PNPLA7: variants seen among roughly 807,000 people sequenced by gnomAD.
PNPLA7 encodes patatin like domain 7, lysophospholipase.
A neutral mutation model predicts 161.7 loss-of-function variants in PNPLA7; 153 were observed. That is an observed-to-expected ratio of 0.95 (90% CI 0.83 to 1.08). The LOEUF (loss-of-function observed/expected upper bound fraction) is 1.08, where lower values mean the gene tolerates loss of function less well. Ranked by LOEUF, PNPLA7 falls within the 50% of genes least tolerant of loss-of-function variation. The pLI is 0.00. For synonymous variants in PNPLA7, 809 were observed against 782.1 expected (o/e 1.03, Z -0.57); for missense variants, 1,739 against 1,856.6 (o/e 0.94, Z 1.16).
chr9:137,460,623 C>A lies in PNPLA7; in HGVS notation c.3945+11G>T, dbSNP rs1234604062. On this transcript the variant is annotated intron_variant, in intron 34 of 34. Coordinates refer to ENST00000406427, the MANE Select transcript of PNPLA7 (RefSeq NM_001098537.3). Reference sequence around the variant, plus strand: ...TGTGGGCACCAGGTGGGACCATGCCCAGCTCCTCACCAAGTCTGAGCCCTG... The same window carrying A: ...TGTGGGCACCAGGTGGGACCATGCCAAGCTCCTCACCAAGTCTGAGCCCTG... 1 of 1,610,206 alleles carries A rather than the reference C, an allele frequency of 6.2e-7. No homozygotes were observed. The highest frequency in any genetic ancestry group is 1.1e-5 in the South Asian group (1 of 90,800).
chr9:137,524,272 T>C lies in PNPLA7; in HGVS notation c.748-1415A>G, dbSNP rs1328045178. Among the ~76,000 whole-genome samples the C allele has an allele frequency of 6.6e-6, 1 of 152,174 alleles. No homozygotes were observed. Among genetic ancestry groups the C allele is most frequent in the African/African-American group, 2.4e-5 (1 of 41,442 alleles). ...CACGGTGGCATGTCTGACAGAGGTC[T>C]CTGCCTTGACTCCCAAGTGCTGGCT... On this transcript the variant is annotated intron_variant, in intron 8 of 34. Transcript: ENST00000406427. The surrounding 1 kb of genome is among the most constrained non-coding windows in gnomAD (Gnocchi z 4.4).
rs766663854 is a variant in PNPLA7 at position 137,520,018 on chromosome 9, G to T, written c.983C>A (p.Ser328Tyr). ...CTTCCCGGCAGCCACACTGGCTACAGACACGAGAGGGATGGCCTGGCTCTC... is the reference window on the plus strand; with the variant it reads ...CTTCCCGGCAGCCACACTGGCTACATACACGAGAGGGATGGCCTGGCTCTC... ...NAESQAIPLV[S>Y]VASVAAGKAK... is the part of the protein sequence containing the mutation. Residue 328 changes from serine (S) to tyrosine (Y), a missense_variant, in exon 11 of 35, where the codon TCT (serine) becomes TAT (tyrosine). By Grantham distance (144) the Ser-to-Tyr change is moderately radical (BLOSUM62 -2). Around this residue, in one of 6 missense-constraint regions of PNPLA7, gnomAD observed 152 missense variants for 193.5 expected, o/e 0.79. Transcript: ENST00000406427. This position sits in a 1 kb window ranked among gnomAD's most constrained non-coding sequence, Gnocchi z 5.2. 22 of 1,612,542 alleles carry T rather than the reference G, an allele frequency of 1.4e-5. No homozygotes were observed. Among genetic ancestry groups the T allele is most frequent in the Middle Eastern group, 3.3e-4 (2 of 6,082 alleles).
At position 137,515,479 on chromosome 9, in the gene PNPLA7, C is replaced by T. The variant is rs774145872; in HGVS notation, c.1125G>A (p.Leu375=). 7.0e-6 allele frequency: 11 copies of T among 1,579,066 alleles called. No individual in the cohort carries two copies. The highest frequency in any genetic ancestry group is 2.7e-5 in the African/African-American group (2 of 74,072). ...GGRPAAAGPL[L]KRSHSVPAPS... is the part of the protein sequence containing the mutation. Reference sequence around the variant, plus strand: ...GCGCGGGGACGGAGTGGCTCCTCTTCAGCAGGGGCCCAGCAGCTGCCGGGC... The same window carrying T: ...GCGCGGGGACGGAGTGGCTCCTCTTTAGCAGGGGCCCAGCAGCTGCCGGGC... Residue 375 remains leucine, a synonymous_variant, in exon 12 of 35, where the codon CTG becomes CTA. Transcript: ENST00000406427.
chr9:137,491,564 G>C (rs1193635492), intron 20 of PNPLA7: 1 of 985,290 alleles, frequency 1.0e-6, no homozygotes, highest in African/African-American at 1.7e-5. Context: ...GGAGAGTGAA[G>C]AGTTACATTA....
intron 21 of PNPLA7, among the ~76,000 whole-genome samples, chr9:137,481,370 G>T (rs1832211290): frequency 1.3e-5 from 2 of 152,372 alleles, no homozygotes; most frequent in South Asian, 2.1e-4. Flanking sequence ...GGCAGGGAAG[G>T]CTGTGCGATG....
chr9:137,515,903 C>G (rs1182302741), intron 11 of PNPLA7, among the ~76,000 whole-genome samples: 1 of 19,174 alleles, frequency 5.2e-5, no homozygotes, highest in Non-Finnish European at 1.0e-4. Context: ...CCCCCCAAAT[C>G]CCCCCTCCCC....
At chr9:137,475,849 C>A (rs1407436476) in intron 25 of PNPLA7, among the ~76,000 whole-genome samples, 2 of 152,160 alleles carry the variant, frequency 1.3e-5, no homozygotes, top group Non-Finnish European at 2.9e-5. Flanking sequence ...GAATTCTATA[C>A]CCAGCCAAAC....
rs760872752 is a variant in PNPLA7 at position 137,497,193 on chromosome 9, G to A, written c.2007C>T (p.Val669=). 12 of 1,579,370 alleles carry A rather than the reference G, an allele frequency of 7.6e-6. No individual in the cohort carries two copies. The highest frequency in any genetic ancestry group is 2.4e-5 in the East Asian group (1 of 42,370). ...AGCAGGGCCCAGCACCTACCACGCC[G>A]ACGAGGTCTCCTCGGCCGTACTCCC... ...LAGEYGRGDL[V]GVVETLTHQA... The change falls in exon 18 of 35, where the codon GTC becomes GTT. Residue 669 remains valine (V), a synonymous_variant. Coordinates refer to ENST00000406427, the MANE Select transcript of PNPLA7 (RefSeq NM_001098537.3).
At position 137,509,967 on chromosome 9, in the gene PNPLA7, GA is replaced by G. The variant is rs1004703376; in HGVS notation, c.1226-3885del. 7.2e-5 allele frequency among the ~76,000 whole-genome samples: 11 copies of G among 152,232 alleles called. No homozygotes were observed. The South Asian group carries it at 2.1e-3, about 29-fold the overall frequency. On this transcript the variant is annotated intron_variant, in intron 12 of 34. Transcript: ENST00000406427. The stretch of plus-strand genomic sequence containing the variant: ...TCCTCGCTCTACAATCATAACCTAG[GA>G]AAAACCAGGCCATACAGAGATAGGA...
rs143522805 is a variant in PNPLA7 at position 137,505,884 on chromosome 9, G to A, written c.1326+99C>T. 1.5e-4 allele frequency: 227 copies of A among 1,527,116 alleles called. 1 individual carries two copies. The East Asian group carries it at 5.1e-3, about 34-fold the overall frequency. 94.6% of individuals were successfully genotyped at this position (1,527,116 alleles called of 1,614,324 possible). On this transcript the variant is annotated intron_variant, in intron 13 of 34. Transcript: ENST00000406427. ...GGCTGAGCCTCCTGAAGCTGCAGGT[G>A]CCACATGACACCAAAGCCGGCGGCG...
At position 137,524,045 on chromosome 9, in the gene PNPLA7, AC is replaced by A. The variant is rs1411114450; in HGVS notation, c.748-1189del. On this transcript the variant is annotated intron_variant, in intron 8 of 34. Coordinates refer to ENST00000406427, the MANE Select transcript of PNPLA7 (RefSeq NM_001098537.3). This position sits in a 1 kb window ranked among gnomAD's most constrained non-coding sequence, Gnocchi z 4.4. ...TTTGGTGCACACCTCTAGCATTTTC[AC>A]CCCCACCACAGAAACAGAACAATCC... is the stretch of plus-strand genomic sequence containing the variant. Among the ~76,000 whole-genome samples, 3 of 152,042 alleles carry A rather than the reference AC, an allele frequency of 2.0e-5. No homozygotes were observed. The highest frequency in any genetic ancestry group is 4.4e-5 in the Non-Finnish European group (3 of 67,992).
In PNPLA7 at chr9:137,487,950, G is replaced by C. The variant is rs570420990; in HGVS notation, c.2198-3214C>G. On this transcript the variant is annotated intron_variant, in intron 20 of 34. Transcript: ENST00000406427. ...TGAGCCTTGGCCACACGGGAGGAGC[G>C]GGGGACTCAGGCCCAGATGATGTGT... 4.7e-5 allele frequency among the ~76,000 whole-genome samples: 7 copies of C among 149,432 alleles called. No homozygotes were observed. In the East Asian group the frequency reaches 1.4e-3, roughly 29 times the overall value.
chr9:137,480,738 G>A (rs906086267), intron 22 of PNPLA7: 12 of 724,338 alleles, frequency 1.7e-5, no homozygotes, highest in Non-Finnish European at 2.0e-5. Flanking sequence ...TGCCCAGGCG[G>A]GAAGCGGGGG....
rs948968640 is a variant in PNPLA7, at chr9:137,468,757, A to G, written c.2883-1284T>C. Among the ~76,000 whole-genome samples, 1 of 152,084 alleles carries G rather than the reference A, an allele frequency of 6.6e-6. No homozygotes were observed. The highest frequency in any genetic ancestry group is 2.4e-5 in the African/African-American group (1 of 41,396). The stretch of plus-strand genomic sequence containing the variant: ...GACCCTGTCTATAAAAAAGTTCTGG[A>G]AATGAACAGTGGCAATTGTTCATTT... On this transcript the variant is annotated intron_variant, in intron 25 of 34. Transcript: ENST00000406427. The surrounding 1 kb of genome is among the most constrained non-coding windows in gnomAD (Gnocchi z 4.0).
Position 137,543,611 on chromosome 9 carries a change from C to A in PNPLA7, c.366-39G>T, listed in dbSNP as rs770092148. 28 of 1,605,062 alleles carry A rather than the reference C, an allele frequency of 1.7e-5. No homozygotes were observed. The South Asian group carries it at 3.0e-4, about 17-fold the overall frequency. ...ACACACTAGCCTTGAGCAGACCAGG[C>A]GGGTTCGAAACCCACAGCATCAGTG... On this transcript the variant is annotated intron_variant, in intron 5 of 34. Coordinates refer to ENST00000406427, the MANE Select transcript of PNPLA7 (RefSeq NM_001098537.3). This position sits in a 1 kb window ranked among gnomAD's most constrained non-coding sequence, Gnocchi z 6.9.
rs775206809 is a variant in PNPLA7 at position 137,480,956 on chromosome 9, G to C, written c.2411+4C>G. ...AGGAAGGAGTCGGGGCTGGCGGCAC[G>C]CACCTGTCCAGGGCAGCGGAGCCAA... On this transcript the variant is annotated splice_donor_region_variant and intron_variant, in intron 22 of 34. Coordinates refer to ENST00000406427, the MANE Select transcript of PNPLA7 (RefSeq NM_001098537.3). The C allele has an allele frequency of 1.3e-6, 2 of 1,551,426 alleles. No homozygotes were observed. Among genetic ancestry groups the C allele is most frequent in the Admixed American group, 2.0e-5 (1 of 50,996 alleles).
rs1831947320 is a variant in PNPLA7, at chr9:137,476,469, G to A, written c.2882+1565C>T. 6.6e-6 allele frequency among the ~76,000 whole-genome samples: 1 copy of A among 152,092 alleles called. No individual in the cohort carries two copies. The highest frequency in any genetic ancestry group is 6.5e-5 in the Admixed American group (1 of 15,272). On this transcript the variant is annotated intron_variant, in intron 25 of 34. Coordinates refer to ENST00000406427, the MANE Select transcript of PNPLA7 (RefSeq NM_001098537.3). This position sits in a 1 kb window ranked among gnomAD's most constrained non-coding sequence, Gnocchi z 4.5. Reference sequence around the variant, plus strand: ...AATCAATAGTTAGCAGACTCTGATTGCGGGTGTTGAAGGGGGTTAAGAAGT... The same window carrying A: ...AATCAATAGTTAGCAGACTCTGATTACGGGTGTTGAAGGGGGTTAAGAAGT...
chr9:137,510,859 C>A (rs1050814301), intron 12 of PNPLA7, among the ~76,000 whole-genome samples: 5 of 152,232 alleles, frequency 3.3e-5, no homozygotes, highest in African/African-American at 1.2e-4. Context: ...AAGGCACAAG[C>A]TGTTCCAATA....
Position 137,543,427 on chromosome 9 carries a change from C to T in PNPLA7, c.506+5G>A, listed in dbSNP as rs1225661023. The T allele has an allele frequency of 3.7e-6, 6 of 1,613,900 alleles. No homozygotes were observed. Among genetic ancestry groups the T allele is most frequent in the Non-Finnish European group, 5.1e-6 (6 of 1,180,038 alleles). On this transcript the variant is annotated splice_donor_5th_base_variant and intron_variant, in intron 6 of 34. Transcript: ENST00000406427. The surrounding 1 kb of genome is among the most constrained non-coding windows in gnomAD (Gnocchi z 6.9). ...GCAGCCCCCGGGGCTCATCCCCGCT[C>T]TTACCGAACGTTTTTCAGCATGTAC...
Sources: allele counts gnomAD v4.1 joint callset (sites outside exome capture counted in the v4.1 genomes callset), GRCh38; gene constraint gnomAD v4.1.1; regional missense constraint gnomAD v4.1.1; non-coding constraint Gnocchi (gnomAD v3.1); transcripts MANE v1.5; gene names NCBI Gene and HGNC (gene_info 2026-07-23, HGNC 2026-07-21).